MACROD2: variants seen among roughly 807,000 people sequenced by gnomAD.
MACROD2 encodes the protein mono-ADP ribosylhydrolase 2.
A neutral mutation model predicts 70.4 loss-of-function variants in MACROD2; 36 were observed. The observed-to-expected ratio is 0.51, with a 90% CI of 0.39 to 0.68. The LOEUF (loss-of-function observed/expected upper bound fraction) is 0.68. Among genes scored for constraint, MACROD2 ranks in the 30% least tolerant of loss-of-function variants. The pLI is 0.00. For synonymous variants in MACROD2, 172 were observed against 178.8 expected (o/e 0.96, Z 0.30); for missense variants, 496 against 538.4 (o/e 0.92, Z 0.78).
chr20:15,444,190 T>G (rs1428461276), intron 7 of MACROD2, among the ~76,000 whole-genome samples: 1 of 152,176 alleles, frequency 6.6e-6, no homozygotes, highest in Non-Finnish European at 1.5e-5. Context: ...GTGACTACTT[T>G]CCTTCATGTA....
intron 7 of MACROD2, among the ~76,000 whole-genome samples, chr20:15,454,390 T>A (rs1366475605): frequency 6.7e-6 from 1 of 148,548 alleles, no homozygotes; most frequent in Non-Finnish European, 1.5e-5. Flanking sequence ...TATATCCCTC[T>A]CATTTGACAT....
At chr20:14,264,521 A>G (rs912833928) in intron 3 of MACROD2, among the ~76,000 whole-genome samples, 7 of 152,312 alleles carry the variant, frequency 4.6e-5, no homozygotes, top group African/African-American at 7.2e-5. Context: ...CAGGTGTCCA[A>G]ATCTTCAGGG....
chr20:15,164,425 A>C (rs997110541), intron 5 of MACROD2, among the ~76,000 whole-genome samples: 1 of 152,178 alleles, frequency 6.6e-6, no homozygotes, highest in Non-Finnish European at 1.5e-5. Context: ...CAAAGACAGG[A>C]ACAACTGTAA....
chr20:15,447,328 G>A (rs2046582484), intron 7 of MACROD2, among the ~76,000 whole-genome samples: 1 of 152,146 alleles, frequency 6.6e-6, no homozygotes. Context: ...GCTGGGGCCT[G>A]CAGATTGGTC....
chr20:15,210,946 A>T (rs536676958), intron 5 of MACROD2, among the ~76,000 whole-genome samples: 1 of 152,330 alleles, frequency 6.6e-6, no homozygotes, highest in East Asian at 1.9e-4. Flanking sequence ...TCTTTATAGC[A>T]GTACGAGAAT....
intron 5 of MACROD2, among the ~76,000 whole-genome samples, chr20:15,193,169 T>G (rs1001967665): frequency 3.3e-5 from 5 of 152,238 alleles, no homozygotes; most frequent in African/African-American, 1.2e-4. Flanking sequence ...TTTTCTTTAC[T>G]TCTTTCTTTA....
At position 14,583,113 on chromosome 20, in the gene MACROD2, C is replaced by T. The variant is rs545834679; in HGVS notation, c.301+89605C>T. 8.5e-5 allele frequency among the ~76,000 whole-genome samples: 13 copies of T among 152,266 alleles called. No individual in the cohort carries two copies. The South Asian group carries it at 2.3e-3, about 27-fold the overall frequency. On this transcript the variant is annotated intron_variant, in intron 4 of 17. Transcript: ENST00000684519. The stretch of plus-strand genomic sequence containing the variant: ...ACTCTCATGTCTTGTGTTGGATTTC[C>T]TTGGCCTCTCTCTAACTTGAGAAAC...
chr20:15,431,037 A>C (rs1242787872), intron 6 of MACROD2, among the ~76,000 whole-genome samples: 1 of 152,056 alleles, frequency 6.6e-6, no homozygotes, highest in Non-Finnish European at 1.5e-5. Flanking sequence ...TCAAGAGCAT[A>C]GGTAATAGTC....
intron 5 of MACROD2, among the ~76,000 whole-genome samples, chr20:14,695,029 CTG>C (rs1262195244): frequency 1.3e-5 from 2 of 151,944 alleles, no homozygotes; most frequent in Non-Finnish European, 2.9e-5. Context: ...AAAGAAAAGA[CTG>C]TGGTTTCCCT....
At chr20:14,517,193 T>A (rs1387810641) in intron 4 of MACROD2, among the ~76,000 whole-genome samples, 2 of 152,148 alleles carry the variant, frequency 1.3e-5, no homozygotes, top group African/African-American at 4.8e-5. Context: ...ACTGGGTATA[T>A]ACCCAAAGGA....
chr20:14,888,784 T>C (rs1374134027), intron 5 of MACROD2: 1 of 152,148 alleles, frequency 6.6e-6, no homozygotes. Context: ...TTAAAACATG[T>C]ATAACAAAAC....
At chr20:14,939,770 CA>C (rs1166354230) in intron 5 of MACROD2, among the ~76,000 whole-genome samples, 1 of 151,950 alleles carries the variant, frequency 6.6e-6, no homozygotes, top group Non-Finnish European at 1.5e-5. Context: ...GTGTTCTCTA[CA>C]ATTTCTTTCA....
At chr20:14,675,954 G>A (rs576835087) in intron 4 of MACROD2, among the ~76,000 whole-genome samples, 1 of 151,568 alleles carries the variant, frequency 6.6e-6, no homozygotes, top group Non-Finnish European at 1.5e-5. Context: ...AAAGACAAAG[G>A]CATTACATAA....
intron 5 of MACROD2, among the ~76,000 whole-genome samples, chr20:15,068,417 G>T (rs2075594202): frequency 6.6e-6 from 1 of 152,168 alleles, no homozygotes; most frequent in African/African-American, 2.4e-5. Flanking sequence ...AAATGATATA[G>T]TTTGGATATT....
At chr20:15,085,873 A>ACACACAC (rs35503821) in intron 5 of MACROD2, among the ~76,000 whole-genome samples, 3 of 144,292 alleles carry the variant, frequency 2.1e-5, no homozygotes, top group African/African-American at 7.7e-5. Context: ...ACACACACAC[A>ACACACAC]ACACACACAC....
intron 15 of MACROD2, among the ~76,000 whole-genome samples, chr20:16,015,570 C>G (rs2066918514): frequency 6.6e-6 from 1 of 152,140 alleles, no homozygotes; most frequent in African/African-American, 2.4e-5. Context: ...AAAAAGAAAT[C>G]ACAATGGATA....
chr20:14,058,563 A>G (rs1244628589), intron 2 of MACROD2, among the ~76,000 whole-genome samples: 1 of 150,492 alleles, frequency 6.6e-6, no homozygotes, highest in Admixed American at 6.6e-5. Context: ...TCCTATATTG[A>G]GAGTCTTTGA....
chr20:15,606,162 T>C lies in MACROD2; in HGVS notation c.645+106315T>C, dbSNP rs140151294. The stretch of plus-strand genomic sequence containing the variant: ...ATCTATTCTCCGCCTGTGTGAGCCA[T>C]CTGAAAAAGGCAAATTCACTATGAT... On this transcript the variant is annotated intron_variant, in intron 8 of 17. Transcript: ENST00000684519. Among the ~76,000 whole-genome samples, 505 of 152,298 alleles carry C rather than the reference T, an allele frequency of 3.3e-3. 1 individual carries two copies. Among genetic ancestry groups the C allele is most frequent in the Admixed American group, 7.6e-3 (116 of 15,298 alleles).
intron 2 of MACROD2, among the ~76,000 whole-genome samples, chr20:14,080,711 A>G (rs2053981916): frequency 6.6e-6 from 1 of 151,992 alleles, no homozygotes. Context: ...TTCCGTTGTC[A>G]ACCTATAAAC....
Sources: allele counts gnomAD v4.1 joint callset (sites outside exome capture counted in the v4.1 genomes callset), GRCh38; gene constraint gnomAD v4.1.1; transcripts MANE v1.5; gene names NCBI Gene and HGNC (gene_info 2026-07-23, HGNC 2026-07-21).